Variants in SCARA3 observed in about 807,000 individuals in gnomAD.
SCARA3 encodes scavenger receptor class A member 3, also known as cellular stress response gene protein.
A neutral mutation model predicts 47.0 loss-of-function variants in SCARA3; 39 were observed. The observed-to-expected ratio is 0.83, with a 90% CI of 0.64 to 1.08. The LOEUF is 1.08. Among genes scored for constraint, SCARA3 ranks in the 50% least tolerant of loss-of-function variants. The probability of loss-of-function intolerance (pLI) is 0.00; values close to 1 mark genes in which losing one functional copy is unlikely to be tolerated. For synonymous variants in SCARA3, 356 were observed against 334.1 expected, an observed-to-expected ratio of 1.07 and a Z score of -0.71; for missense variants, 724 against 792.3, an observed-to-expected ratio of 0.91 and a Z score of 1.04.
chr8:27,646,625 C>T (rs1036589658), intron 1 of SCARA3, among the ~76,000 whole-genome samples: 2 of 152,102 alleles, frequency 1.3e-5, no homozygotes, highest in South Asian at 2.1e-4. Flanking sequence ...ACGGTAGCCC[C>T]GGGGCAGTGG....
chr8:27,674,879 C>T (rs184208544), downstream of SCARA3, among the ~76,000 whole-genome samples: 99 of 152,128 alleles, frequency 6.5e-4, no homozygotes, highest in African/African-American at 2.4e-3. Context: ...CAGGCGTGCA[C>T]CACCATGCCC....
At chr8:27,675,448 C>T (rs551067820), downstream of SCARA3, among the ~76,000 whole-genome samples, 69 of 152,348 alleles carry the variant, frequency 4.5e-4, 1 homozygote, top group South Asian at 1.0e-3. Flanking sequence ...TTGCCTTCTT[C>T]TGTCTTGCCC....
the SCARA3 span, among the ~76,000 whole-genome samples, chr8:27,712,686 A>G: frequency 6.6e-6 from 1 of 152,158 alleles, no homozygotes; most frequent in Non-Finnish European, 1.5e-5. Flanking sequence ...TCCCCTCTGA[A>G]GAACATCTTG....
Position 27,640,992 on chromosome 8 carries a change from C to A in SCARA3, c.7+6785C>A, listed in dbSNP as rs145775200. On this transcript the variant is annotated intron_variant, in intron 1 of 5. Coordinates refer to ENST00000301904, the MANE Select transcript of SCARA3 (RefSeq NM_016240.3). ...GATTACAGGCGTGAGCCACTGCACC[C>A]AGCTTGCAGTATTTTTAAAAAATGG... is the stretch of plus-strand genomic sequence containing the variant. Among the ~76,000 whole-genome samples, 466 of 152,282 alleles carry A rather than the reference C, an allele frequency of 3.1e-3. 5 individuals carry two copies. Among genetic ancestry groups the A allele is most frequent in the African/African-American group, 0.011 (451 of 41,556 alleles).
the SCARA3 span, among the ~76,000 whole-genome samples, chr8:27,725,637 T>C: frequency 6.6e-6 from 1 of 151,966 alleles, no homozygotes; most frequent in Non-Finnish European, 1.5e-5. Context: ...ATTTGGAGAA[T>C]TGTCTCTACC....
chr8:27,663,825 C>G (rs367702763), intron 5 of SCARA3, among the ~76,000 whole-genome samples: 4 of 152,230 alleles, frequency 2.6e-5, no homozygotes, highest in East Asian at 3.8e-4. Context: ...GGCAGCAAAG[C>G]AGCTTGCATG....
chr8:27,710,229 CAAA>C, the SCARA3 span, among the ~76,000 whole-genome samples: 53 of 105,038 alleles, frequency 5.0e-4, no homozygotes, highest in African/African-American at 7.5e-4. Flanking sequence ...GACTCCGTCT[CAAA>C]AAAAAAAAAA....
chr8:27,646,283 C>T (rs1199782618), intron 1 of SCARA3, among the ~76,000 whole-genome samples: 8 of 152,174 alleles, frequency 5.3e-5, no homozygotes, highest in Admixed American at 1.3e-4. Flanking sequence ...ATGGGTCACT[C>T]GGTGCGTTAC....
At chr8:27,731,417 G>A in the SCARA3 span, among the ~76,000 whole-genome samples, 6 of 151,850 alleles carry the variant, frequency 4.0e-5, no homozygotes, top group Non-Finnish European at 8.8e-5. Context: ...GTTGATGTAG[G>A]CAGGTGGATC....
rs34766971 is a variant in SCARA3, at chr8:27,667,856, C to A, written c.1370-3044C>A. Among the ~76,000 whole-genome samples, 898 of 152,278 alleles carry A rather than the reference C, an allele frequency of 5.9e-3. 12 individuals are homozygous for A. The highest frequency in any genetic ancestry group is 0.02 in the African/African-American group (849 of 41,550). ...GCACCACAGGCACCTGTCAGTAGCC[C>A]ACGCGGAGACCCACAAGATGTAGAC... On this transcript the variant is annotated intron_variant, in intron 5 of 5. Transcript: ENST00000301904.
rs1185016864 is a variant in SCARA3, at chr8:27,672,209, T to G, written c.*858T>G. 1.0e-6 allele frequency: 1 copy of G among 985,198 alleles called. No individual in the cohort carries two copies. The highest frequency in any genetic ancestry group is 1.2e-6 in the Non-Finnish European group (1 of 829,932). 61.0% of individuals were successfully genotyped at this position (985,198 alleles called of 1,614,324 possible). On this transcript the variant is annotated 3_prime_UTR_variant, in exon 6 of 6. Transcript: ENST00000301904. Reference sequence around the variant, plus strand: ...CTTGCACACAGTGCCCCCTGAGAAGTTCAACATTTATTTCTTCACGTGTCC... The same window carrying G: ...CTTGCACACAGTGCCCCCTGAGAAGGTCAACATTTATTTCTTCACGTGTCC...
chr8:27,721,910 C>T, the SCARA3 span, among the ~76,000 whole-genome samples: 42 of 152,094 alleles, frequency 2.8e-4, no homozygotes, highest in Non-Finnish European at 4.3e-4. Context: ...AGCGAGATGC[C>T]GTCGCTACAA....
chr8:27,672,321 CT>C lies in SCARA3; in HGVS notation c.*971del. ...CAGGAGTTTCATCTGCATGGGGGCA[CT>C]CTGCAGGCCCTGGAACATTGGGCCT... On this transcript the variant is annotated 3_prime_UTR_variant, in exon 6 of 6. Coordinates refer to ENST00000301904, the MANE Select transcript of SCARA3 (RefSeq NM_016240.3). 2 of 985,474 alleles carry C rather than the reference CT, an allele frequency of 2.0e-6. No homozygotes were observed. Among genetic ancestry groups the C allele is most frequent in the Non-Finnish European group, 2.4e-6 (2 of 829,960 alleles). 61.0% of individuals were successfully genotyped at this position (985,474 alleles called of 1,614,324 possible). A position where few individuals can be genotyped will look rare whatever the true frequency, so the allele number is the denominator to read the frequency against.
intron 4 of SCARA3, 58 bp downstream of exon 4, chr8:27,656,938 C>T (rs950193600): frequency 1.1e-5 from 12 of 1,097,282 alleles, no homozygotes; most frequent in Middle Eastern, 4.0e-4. Flanking sequence ...GCAGGGGTGC[C>T]CTCCCCACGC....
At chr8:27,676,489 T>C (rs1802279335), downstream of SCARA3, 2 of 1,546,016 alleles carry the variant, frequency 1.3e-6, no homozygotes, top group Non-Finnish European at 1.8e-6. Flanking sequence ...GTCTCCAACA[T>C]AGGTGTCCAA....
intron 1 of SCARA3, among the ~76,000 whole-genome samples, chr8:27,635,105 C>T (rs1801222070): frequency 1.3e-5 from 2 of 152,192 alleles, no homozygotes; most frequent in South Asian, 4.1e-4. Context: ...AAAGTAGAAA[C>T]TGAAAAGGGC....
At chr8:27,636,471 G>A (rs1177451875) in intron 1 of SCARA3, among the ~76,000 whole-genome samples, 2 of 152,144 alleles carry the variant, frequency 1.3e-5, no homozygotes, top group Non-Finnish European at 2.9e-5. Context: ...AAGAGGCAGG[G>A]CCAAAATCCT....
the SCARA3 span, among the ~76,000 whole-genome samples, chr8:27,685,222 A>G: frequency 6.6e-6 from 1 of 152,362 alleles, no homozygotes; most frequent in East Asian, 1.9e-4. Flanking sequence ...AAACAAATTC[A>G]TAGGAAAACA....
At chr8:27,732,368 T>C in the SCARA3 span, among the ~76,000 whole-genome samples, 1 of 152,258 alleles carries the variant, frequency 6.6e-6, no homozygotes. Flanking sequence ...ACTCAGCACA[T>C]GCCAAGGGCA....
Sources: allele counts gnomAD v4.1 joint callset (sites outside exome capture counted in the v4.1 genomes callset), GRCh38; gene constraint gnomAD v4.1.1; transcripts MANE v1.5; gene names NCBI Gene and HGNC (gene_info 2026-07-23, HGNC 2026-07-21).